PIP4K2A: variants seen among roughly 807,000 people sequenced by gnomAD.
PIP4K2A encodes phosphatidylinositol 5-phosphate 4-kinase type-2 alpha.
A neutral mutation model predicts 42.9 loss-of-function variants in PIP4K2A; 14 were observed. The ratio of observed to expected loss-of-function variants is 0.33; its 90% CI spans 0.22 to 0.51. PIP4K2A has a LOEUF of 0.51. Among genes scored for constraint, PIP4K2A ranks in the 20% least tolerant of loss-of-function variants. PIP4K2A has a pLI of 0.97. For synonymous variants in PIP4K2A, 192 were observed against 192.2 expected (o/e 1.00, Z 0.01); for missense variants, 434 against 519.8 (o/e 0.83, Z 1.61).
chr10:22,627,591 TAAAAAAAAAAAAAAAAAAAAAAAAAAAA>T (rs57671642), intron 1 of PIP4K2A, among the ~76,000 whole-genome samples: 1 of 56,994 alleles, frequency 1.8e-5, no homozygotes, highest in East Asian at 9.6e-4. Flanking sequence ...TAATATGTAA[TAAAAAAAAAAAAAAAAAAAAAAAAAAAA>T]AAAAAAAAAA....
intron 2 of PIP4K2A, among the ~76,000 whole-genome samples, chr10:22,608,430 C>T (rs1837957864): frequency 6.6e-6 from 1 of 152,156 alleles, no homozygotes; most frequent in South Asian, 2.1e-4. Context: ...GGGCCACTCC[C>T]TCACCCCCCT....
intron 1 of PIP4K2A, among the ~76,000 whole-genome samples, chr10:22,679,434 G>A (rs967832011): frequency 7.9e-5 from 12 of 152,184 alleles, no homozygotes; most frequent in African/African-American, 2.9e-4. Context: ...TGGCATGGAT[G>A]CAGTGAAATT....
At chr10:22,692,859 A>G (rs1369899010) in intron 1 of PIP4K2A, among the ~76,000 whole-genome samples, 2 of 152,154 alleles carry the variant, frequency 1.3e-5, no homozygotes, top group African/African-American at 4.8e-5. Context: ...GGCACTCAAT[A>G]GTGATCTCAA....
In PIP4K2A at chr10:22,664,152, CACATATATATATATACATAT is replaced by C. The variant is rs1839287847; in HGVS notation, c.144+50011_144+50030del. Reference sequence around the variant, plus strand: ...ATACATATATATATACATATATATACACATATATATATATACATATATATATATACATATATATACATATA... The same window carrying C: ...ATACATATATATATACATATATATACATATATATACATATATATACATATA... On this transcript the variant is annotated intron_variant, in intron 1 of 9. Coordinates refer to ENST00000376573, the MANE Select transcript of PIP4K2A (RefSeq NM_005028.5). Among the ~76,000 whole-genome samples, 14 of 20,842 alleles carry C rather than the reference CACATATATATATATACATAT, an allele frequency of 6.7e-4. 2 individuals are homozygous for C. Among genetic ancestry groups the C allele is most frequent in the African/African-American group, 3.1e-3 (14 of 4,558 alleles). 13.7% of individuals were successfully genotyped at this position (20,842 alleles called of 152,430 possible). A position where few individuals can be genotyped will look rare whatever the true frequency, so the allele number is the denominator to read the frequency against.
At chr10:22,544,010 TG>T (rs1836195674) in intron 7 of PIP4K2A, among the ~76,000 whole-genome samples, 1 of 152,228 alleles carries the variant, frequency 6.6e-6, no homozygotes, top group Non-Finnish European at 1.5e-5. Context: ...GTTCTGAGCC[TG>T]TACTCTCTGC....
intron 7 of PIP4K2A, among the ~76,000 whole-genome samples, chr10:22,545,817 G>C (rs1041245611): frequency 6.6e-6 from 1 of 152,152 alleles, no homozygotes; most frequent in African/African-American, 2.4e-5. Flanking sequence ...CAATCCTCCT[G>C]CCTCACCCTC....
intron 1 of PIP4K2A, among the ~76,000 whole-genome samples, chr10:22,624,684 G>T (rs1355211698): frequency 6.6e-6 from 1 of 151,788 alleles, no homozygotes; most frequent in Non-Finnish European, 1.5e-5. Context: ...ACCTAGCAGG[G>T]GGAAAAAAAA....
chr10:22,678,825 T>C (rs939144234), intron 1 of PIP4K2A, among the ~76,000 whole-genome samples: 2 of 152,248 alleles, frequency 1.3e-5, no homozygotes, highest in Non-Finnish European at 2.9e-5. Context: ...AAATAGGTTA[T>C]GTCTATCAAT....
intron 1 of PIP4K2A, among the ~76,000 whole-genome samples, chr10:22,698,057 T>C (rs1840005877): frequency 6.6e-6 from 1 of 152,136 alleles, no homozygotes; most frequent in African/African-American, 2.4e-5. Context: ...CACTCTCTGC[T>C]TAGAGTCCGA....
At chr10:22,584,541 C>T (rs76440578) in intron 4 of PIP4K2A, among the ~76,000 whole-genome samples, 9,579 of 152,118 alleles carry the variant, frequency 0.063, 406 homozygotes, top group Middle Eastern at 0.15. Flanking sequence ...AACTTCCAGA[C>T]CCTGGAGAAG....
chr10:22,565,289 G>A (rs942354457), intron 6 of PIP4K2A, among the ~76,000 whole-genome samples: 2 of 152,224 alleles, frequency 1.3e-5, no homozygotes, highest in Non-Finnish European at 2.9e-5. Context: ...CGCACTGACT[G>A]TTGGGGGAAG....
At chr10:22,664,077 G>GTATATATACA (rs1839269183) in intron 1 of PIP4K2A, among the ~76,000 whole-genome samples, 1 of 37,764 alleles carries the variant, frequency 2.6e-5, no homozygotes, top group Non-Finnish European at 4.5e-5. Flanking sequence ...ATATATATAC[G>GTATATATACA]TATATATATA....
intron 3 of PIP4K2A, among the ~76,000 whole-genome samples, chr10:22,599,705 G>A (rs192559680): frequency 2.0e-5 from 3 of 152,148 alleles, no homozygotes; most frequent in Non-Finnish European, 2.9e-5. Context: ...GTTCATTTTC[G>A]CCTATTTTGC....
intron 1 of PIP4K2A, among the ~76,000 whole-genome samples, chr10:22,623,210 A>C (rs563914017): frequency 3.9e-5 from 6 of 152,262 alleles, no homozygotes; most frequent in African/African-American, 7.2e-5. Context: ...TTGTCTATGA[A>C]ACTCACTGAG....
intron 1 of PIP4K2A, among the ~76,000 whole-genome samples, chr10:22,633,477 C>G (rs1235726160): frequency 6.6e-6 from 1 of 152,114 alleles, no homozygotes; most frequent in Non-Finnish European, 1.5e-5. Flanking sequence ...AAAATCCCAA[C>G]TTTGTCCCAG....
intron 1 of PIP4K2A, among the ~76,000 whole-genome samples, chr10:22,663,188 G>A (rs1839239957): frequency 1.3e-5 from 2 of 152,164 alleles, no homozygotes; most frequent in African/African-American, 4.8e-5. Flanking sequence ...CAAAGGTCAC[G>A]TCTCTGAGAC....
intron 7 of PIP4K2A, among the ~76,000 whole-genome samples, chr10:22,543,126 G>T (rs1836168179): frequency 6.6e-6 from 1 of 152,196 alleles, no homozygotes; most frequent in Non-Finnish European, 1.5e-5. Context: ...AATTTGCTAA[G>T]CCCCGCAGAG....
chr10:22,567,136 A>T (rs1307870390), intron 6 of PIP4K2A, among the ~76,000 whole-genome samples: 1 of 152,236 alleles, frequency 6.6e-6, no homozygotes, highest in African/African-American at 2.4e-5. Context: ...CATAACTAAG[A>T]GTATAGATGT....
At chr10:22,629,646 C>G (rs565323467) in intron 1 of PIP4K2A, among the ~76,000 whole-genome samples, 1 of 152,152 alleles carries the variant, frequency 6.6e-6, no homozygotes, top group Admixed American at 6.5e-5. Flanking sequence ...CTAACCCCAT[C>G]AGAACTTTAG....
Sources: gnomAD v4.1 joint callset for allele counts (sites outside exome capture counted in the v4.1 genomes callset) on GRCh38, gnomAD v4.1.1 for gene constraint, MANE v1.5 for transcripts, NCBI Gene and HGNC (gene_info 2026-07-23, HGNC 2026-07-21) for gene names.